The following MBD2 variants were observed in gnomAD, a reference collection of about 807,000 sequenced individuals.
MBD2 encodes methyl-CpG binding domain protein 2.
A neutral mutation model predicts 39.3 loss-of-function variants in MBD2; 9 were observed. That is an observed-to-expected ratio of 0.23 (90% CI 0.14 to 0.40). The LOEUF (loss-of-function observed/expected upper bound fraction) is 0.40. Among genes scored for constraint, MBD2 ranks in the 10% least tolerant of loss-of-function variants. MBD2 has a pLI of 1.00. For synonymous variants in MBD2, 233 were observed against 211.1 expected (o/e 1.10, Z -0.90); for missense variants, 458 against 532.6 (o/e 0.86, Z 1.38).
At chr18:54,207,194 A>G (rs2086457420) in intron 1 of MBD2, among the ~76,000 whole-genome samples, 1 of 152,220 alleles carries the variant, frequency 6.6e-6, no homozygotes, top group Non-Finnish European at 1.5e-5. Context: ...GGTAGCCTAC[A>G]TTCCAAACTC....
At chr18:54,191,698 T>C (rs1036603177) in intron 2 of MBD2, among the ~76,000 whole-genome samples, 2 of 152,204 alleles carry the variant, frequency 1.3e-5, no homozygotes, top group African/African-American at 4.8e-5. Context: ...CTGACAATTA[T>C]TACAATTACA....
chr18:54,218,243 T>G (rs556517448), intron 1 of MBD2, among the ~76,000 whole-genome samples: 9 of 152,248 alleles, frequency 5.9e-5, no homozygotes, highest in Non-Finnish European at 1.2e-4. Context: ...AATTGATCAC[T>G]TTTATTACTC....
intron 1 of MBD2, among the ~76,000 whole-genome samples, chr18:54,208,253 G>A (rs533459899): frequency 6.6e-6 from 1 of 152,184 alleles, no homozygotes; most frequent in African/African-American, 2.4e-5. Context: ...AGCACTTTGG[G>A]AGGCCAAGGC....
chr18:54,163,398 T>G (rs1300288571), intron 5 of MBD2, among the ~76,000 whole-genome samples: 1 of 152,184 alleles, frequency 6.6e-6, no homozygotes, highest in Admixed American at 6.5e-5. Flanking sequence ...GGGACAGAAA[T>G]AGTGAAGTAT....
chr18:54,214,002 TC>T (rs2086533168), intron 1 of MBD2, among the ~76,000 whole-genome samples: 2 of 149,364 alleles, frequency 1.3e-5, no homozygotes, highest in Admixed American at 6.6e-5. Flanking sequence ...TTTCTTTCTT[TC>T]TTTTTTTTTT....
intron 2 of MBD2, among the ~76,000 whole-genome samples, chr18:54,196,587 G>C (rs189030388): frequency 1.3e-4 from 20 of 152,170 alleles, no homozygotes; most frequent in Non-Finnish European, 2.6e-4. Context: ...GTTTTCTGTA[G>C]GGCTTAATTC....
intron 1 of MBD2, 125 bp downstream of exon 1, chr18:54,223,893 C>T: frequency 2.6e-6 from 2 of 780,964 alleles, no homozygotes; most frequent in Non-Finnish European, 1.9e-6. Flanking sequence ...CACCTTCCAC[C>T]ACCAAACCAG....
chr18:54,177,575 C>G (rs908465999), intron 3 of MBD2, among the ~76,000 whole-genome samples: 2 of 151,888 alleles, frequency 1.3e-5, no homozygotes, highest in Non-Finnish European at 2.9e-5. Context: ...CCGCCTCCCG[C>G]GTTCACGCCA....
At chr18:54,167,149 G>C (rs79855788) in intron 3 of MBD2, among the ~76,000 whole-genome samples, 5,882 of 152,170 alleles carry the variant, frequency 0.039, 144 homozygotes, top group Non-Finnish European at 0.046. Context: ...CTTTAATCCT[G>C]GATACCAGGG....
rs756585233 is a variant in MBD2 at position 54,224,214 on chromosome 18, TGCCGCCGCC to T, written c.337_345del (p.Gly113_Gly115del). ...CGCCGGGGGGCGCCGCCGCCACCGC[TGCCGCCGCC>T]GCCGCAGCCGCCGCCGTCGCCGCCA... On this transcript the variant is annotated inframe_deletion, in exon 1 of 7. Transcript: ENST00000256429. 3.1e-5 allele frequency: 35 copies of T among 1,121,450 alleles called. No homozygotes were observed. The highest frequency in any genetic ancestry group is 2.7e-4 in the African/African-American group (16 of 59,954). 69.5% of individuals were successfully genotyped at this position (1,121,450 alleles called of 1,614,324 possible). A position where few individuals can be genotyped will look rare whatever the true frequency, so the allele number is the denominator to read the frequency against.
In MBD2 at chr18:54,224,036, C is replaced by G. The variant is rs1424838586; in HGVS notation, c.524G>C (p.Ser175Thr). The G allele has an allele frequency of 6.2e-7, 1 of 1,605,618 alleles. No individual in the cohort carries two copies. The highest frequency in any genetic ancestry group is 8.5e-7 in the Non-Finnish European group (1 of 1,177,024). ...IRKSGLSAGK[S>T]DVYYFSPSGK... Reference sequence around the variant, plus strand: ...GAGGTACCTGAAGTAGTAGACATCGCTCTTGCCAGCACTTAGCCCAGATTT... The same window carrying G: ...GAGGTACCTGAAGTAGTAGACATCGGTCTTGCCAGCACTTAGCCCAGATTT... The change falls in exon 1 of 7, where the codon AGC becomes ACC. Residue 175 changes from serine (S) to threonine (T), a missense_variant. By Grantham distance (58) the Ser-to-Thr change is moderately conservative. Transcript: ENST00000256429.
At position 54,153,533 on chromosome 18, in the gene MBD2, T is replaced by C. The variant is rs2086034296; in HGVS notation, c.*1791A>G. 1 of 152,152 alleles carries C rather than the reference T, an allele frequency of 6.6e-6. No homozygotes were observed. Among genetic ancestry groups the C allele is most frequent in the Non-Finnish European group, 1.5e-5 (1 of 68,048 alleles). The allele number at this position is 152,152 out of a possible 1,614,324, so 9.4% of individuals were successfully genotyped here. On this transcript the variant is annotated 3_prime_UTR_variant, in exon 7 of 7. Transcript: ENST00000256429. The stretch of plus-strand genomic sequence containing the variant: ...TACAAGCTGTTTAGAAAAGCACATA[T>C]ATCTTGGCTGGATTGGTTTGTAAAA...
intron 1 of MBD2, among the ~76,000 whole-genome samples, chr18:54,208,493 T>G (rs62096966): frequency 0.13 from 19,387 of 151,894 alleles, 1,716 homozygotes; most frequent in Non-Finnish European, 0.19. Flanking sequence ...TCTGTCTCAA[T>G]AAAATAAAAT....
At chr18:54,184,743 C>T (rs1249496681) in intron 3 of MBD2, among the ~76,000 whole-genome samples, 1 of 152,200 alleles carries the variant, frequency 6.6e-6, no homozygotes, top group African/African-American at 2.4e-5. Flanking sequence ...AGCCTCCTAG[C>T]AACAGTAACC....
chr18:54,162,503 C>T (rs147917058), intron 5 of MBD2, among the ~76,000 whole-genome samples: 127 of 152,256 alleles, frequency 8.3e-4, no homozygotes, highest in African/African-American at 2.7e-3. Context: ...ATTTGTTAGA[C>T]AAATTTACCC....
intron 2 of MBD2, among the ~76,000 whole-genome samples, chr18:54,194,557 G>GTGTATATATATATATATA (rs565457822): frequency 1.3e-5 from 2 of 148,712 alleles, no homozygotes; most frequent in African/African-American, 4.9e-5. Flanking sequence ...GTGTGTGTGT[G>GTGTATATATATATATATA]TATATATATA....
chr18:54,202,938 G>A, intron 2 of MBD2: 1 of 1,006,130 alleles, frequency 9.9e-7, no homozygotes, highest in Non-Finnish European at 1.6e-6. Flanking sequence ...ATGCAGGGCA[G>A]GCTTCCCAGA....
chr18:54,191,247 G>A (rs1057270112), intron 2 of MBD2, among the ~76,000 whole-genome samples: 1 of 152,134 alleles, frequency 6.6e-6, no homozygotes, highest in Admixed American at 6.5e-5. Flanking sequence ...TCTGAGATAG[G>A]GCCTAGGAAT....
chr18:54,197,144 T>C (rs2086373019), intron 2 of MBD2, among the ~76,000 whole-genome samples: 1 of 152,224 alleles, frequency 6.6e-6, no homozygotes, highest in Non-Finnish European at 1.5e-5. Flanking sequence ...CCTTTATTCA[T>C]TCATTAAACC....
Sources: gnomAD v4.1 joint callset for allele counts (sites outside exome capture counted in the v4.1 genomes callset) on GRCh38, gnomAD v4.1.1 for gene constraint, MANE v1.5 for transcripts, NCBI Gene and HGNC (gene_info 2026-07-23, HGNC 2026-07-21) for gene names.